BRI3: variants seen among roughly 807,000 people sequenced by gnomAD.
BRI3 encodes the protein brain protein I3, also known as membrane protein BRI3.
Under a neutral mutation model 12.8 loss-of-function variants are expected in BRI3, and 6 were observed. The ratio of observed to expected loss-of-function variants is 0.47; its 90% confidence interval spans 0.26 to 0.93. The LOEUF (loss-of-function observed/expected upper bound fraction) is 0.93. Among genes scored for constraint, BRI3 ranks in the 40% least tolerant of loss-of-function variants. The pLI is 0.15. For synonymous variants in BRI3, 91 were observed against 76.1 expected, an observed-to-expected ratio of 1.20 and a Z score of -1.02; for missense variants, 134 against 171.1, an observed-to-expected ratio of 0.78 and a Z score of 1.21.
downstream of BRI3, among the ~76,000 whole-genome samples, chr7:98,296,304 G>A (rs1199426775): frequency 6.6e-6 from 1 of 152,202 alleles, no homozygotes; most frequent in African/African-American, 2.4e-5. Flanking sequence ...TTCTGTCTGT[G>A]GTATTCTGTA....
At chr7:98,311,312 G>A (rs531707112), downstream of BRI3, among the ~76,000 whole-genome samples, 98 of 152,150 alleles carry the variant, frequency 6.4e-4, no homozygotes, top group Admixed American at 1.5e-3. Flanking sequence ...GGGAGGCCGA[G>A]GTGGGCGGAT....
the BRI3 span, among the ~76,000 whole-genome samples, chr7:98,322,035 G>GC: frequency 2.0e-4 from 30 of 152,184 alleles, no homozygotes; most frequent in Non-Finnish European, 3.1e-4. Flanking sequence ...GGCAGAGGAT[G>GC]CAGTGAGCCG....
downstream of BRI3, chr7:98,293,540 G>A (rs1368878066): frequency 3.1e-6 from 5 of 1,613,554 alleles, no homozygotes; most frequent in African/African-American, 1.3e-5. Flanking sequence ...GATGGGTGCC[G>A]AGCGATCATT....
downstream of BRI3, among the ~76,000 whole-genome samples, chr7:98,311,159 G>A (rs1800853898): frequency 6.6e-6 from 1 of 152,152 alleles, no homozygotes; most frequent in Non-Finnish European, 1.5e-5. Context: ...CTTACGTTGT[G>A]ATGAATGCCA....
At chr7:98,314,657 G>C (rs1002189498), downstream of BRI3, among the ~76,000 whole-genome samples, 2 of 152,138 alleles carry the variant, frequency 1.3e-5, no homozygotes, top group Non-Finnish European at 2.9e-5. Context: ...AGGAATGAAC[G>C]CATCACTGAG....
downstream of BRI3, among the ~76,000 whole-genome samples, chr7:98,296,416 G>A (rs1323848182): frequency 6.6e-6 from 1 of 152,064 alleles, no homozygotes; most frequent in Admixed American, 6.5e-5. Flanking sequence ...ACCTGAGGTC[G>A]GGAGTTCGAG....
upstream of BRI3, among the ~76,000 whole-genome samples, chr7:98,301,818 G>T (rs966167259): frequency 6.6e-6 from 1 of 152,136 alleles, no homozygotes; most frequent in African/African-American, 2.4e-5. Flanking sequence ...CCTGAAGCTC[G>T]CGGGTGTGAG....
chr7:98,290,735 G>A (rs1799905324), intron 2 of BRI3, among the ~76,000 whole-genome samples: 1 of 140,250 alleles, frequency 7.1e-6, no homozygotes, highest in African/African-American at 2.7e-5. Flanking sequence ...CTGAACTCAG[G>A]TGATCCACCC....
chr7:98,318,800 C>T, the BRI3 span, among the ~76,000 whole-genome samples: 15 of 151,356 alleles, frequency 9.9e-5, no homozygotes, highest in East Asian at 4.0e-4. Context: ...AAAAATTAGC[C>T]GGGTGCAGTG....
At chr7:98,284,920 G>A (rs1467318183) in intron 2 of BRI3, among the ~76,000 whole-genome samples, 1 of 152,154 alleles carries the variant, frequency 6.6e-6, no homozygotes, top group Non-Finnish European at 1.5e-5. Flanking sequence ...GTTCTCCCTT[G>A]CCCAGGGAGG....
chr7:98,311,851 A>G (rs1354738611), downstream of BRI3, among the ~76,000 whole-genome samples: 2 of 152,182 alleles, frequency 1.3e-5, no homozygotes, highest in Non-Finnish European at 2.9e-5. Flanking sequence ...GGTTGCAGTG[A>G]GCCGAGATCA....
upstream of BRI3, chr7:98,304,320 A>T (rs1323822131): frequency 1.2e-6 from 2 of 1,613,408 alleles, no homozygotes; most frequent in Non-Finnish European, 1.7e-6. Flanking sequence ...TGGGGGGATG[A>T]CAACACTGCT....
downstream of BRI3, chr7:98,292,114 G>A (rs1208397575): frequency 6.5e-6 from 1 of 154,832 alleles, no homozygotes; most frequent in East Asian, 1.9e-4. Context: ...GACCTGGCTG[G>A]AAGGAGCCTG....
chr7:98,312,218 C>T, downstream of BRI3: 1 of 1,614,062 alleles, frequency 6.2e-7, no homozygotes, highest in Non-Finnish European at 8.5e-7. Context: ...GGCATCAACA[C>T]AGGTCTCCTG....
chr7:98,284,869 C>T (rs1043886024), intron 2 of BRI3, among the ~76,000 whole-genome samples: 1 of 152,186 alleles, frequency 6.6e-6, no homozygotes, highest in Non-Finnish European at 1.5e-5. Flanking sequence ...CTGCCCTGCC[C>T]TGCCTTGCCC....
intron 2 of BRI3, among the ~76,000 whole-genome samples, chr7:98,285,727 G>T (rs1321662905): frequency 6.6e-6 from 1 of 152,176 alleles, no homozygotes; most frequent in Non-Finnish European, 1.5e-5. Context: ...GCGAGGGCTG[G>T]CCCTGGCCAT....
At chr7:98,307,701 T>C (rs770765810) in exon 2 of BRI3, 2 of 1,614,062 alleles carry the variant, frequency 1.2e-6, no homozygotes, top group South Asian at 2.2e-5. Context: ...CTTGGACACG[T>C]CGTGTTCTCC....
At chr7:98,321,297 C>T in the BRI3 span, among the ~76,000 whole-genome samples, 3 of 152,318 alleles carry the variant, frequency 2.0e-5, no homozygotes, top group South Asian at 2.1e-4. Flanking sequence ...TTATTTTTAT[C>T]GAATCCCCAG....
At chr7:98,284,451 G>T (rs939403604) in intron 2 of BRI3, among the ~76,000 whole-genome samples, 1 of 152,186 alleles carries the variant, frequency 6.6e-6, no homozygotes, top group Non-Finnish European at 1.5e-5. Context: ...GGCGTGGGTG[G>T]GGTGTGTGGT....
Sources: allele counts gnomAD v4.1 joint callset (sites outside exome capture counted in the v4.1 genomes callset), GRCh38; gene constraint gnomAD v4.1.1; transcripts MANE v1.5; gene names NCBI Gene and HGNC (gene_info 2026-07-23, HGNC 2026-07-21).